DYM: variants seen among roughly 807,000 people sequenced by gnomAD.
DYM encodes dymeclin.
A neutral mutation model predicts 93.1 loss-of-function variants in DYM; 78 were observed. That is an observed-to-expected ratio of 0.84 (90% CI 0.70 to 1.01). The LOEUF is 1.01. Among genes scored for constraint, DYM ranks in the 50% least tolerant of loss-of-function variants. The probability of loss-of-function intolerance (pLI) is 0.00; values close to 1 mark genes in which losing one functional copy is unlikely to be tolerated. For synonymous variants in DYM, 321 were observed against 319.7 expected, an observed-to-expected ratio of 1.00 and a Z score of -0.04; for missense variants, 789 against 845.0, an observed-to-expected ratio of 0.93 and a Z score of 0.82.
At chr18:49,363,700 G>C (rs2066260237) in intron 5 of DYM, among the ~76,000 whole-genome samples, 1 of 152,170 alleles carries the variant, frequency 6.6e-6, no homozygotes, top group Non-Finnish European at 1.5e-5. Context: ...TACCTTTTAT[G>C]AACCTCTGGC....
In DYM at chr18:49,440,010, C is replaced by CAATAAATAAATA. The variant is rs144960380; in HGVS notation, c.-53-9575_-53-9564dup. ...GGGCAACAGAGGGAGACTCTGTCAC[C>CAATAAATAAATA]AATAAATAAATAAATAAATAAATAA... On this transcript the variant is annotated intron_variant, in intron 1 of 17. Coordinates refer to ENST00000675505, the MANE Select transcript of DYM (RefSeq NM_001353214.3). Among the ~76,000 whole-genome samples the CAATAAATAAATA allele has an allele frequency of 7.6e-5, 10 of 132,136 alleles. 2 individuals carry two copies. Among genetic ancestry groups the CAATAAATAAATA allele is most frequent in the East Asian group, 5.8e-4 (2 of 3,428 alleles). 86.7% of individuals were successfully genotyped at this position (132,136 alleles called of 152,430 possible).
chr18:49,211,676 G>A (rs186926068), intron 13 of DYM, among the ~76,000 whole-genome samples: 5 of 152,278 alleles, frequency 3.3e-5, no homozygotes, highest in Admixed American at 3.3e-4. Flanking sequence ...GAATAGTGCT[G>A]GGCATTGAAG....
intron 5 of DYM, among the ~76,000 whole-genome samples, chr18:49,374,217 A>T (rs2067284427): frequency 6.6e-6 from 1 of 152,200 alleles, no homozygotes; most frequent in Admixed American, 6.5e-5. Context: ...AAAGTATATA[A>T]CATTCAAAAT....
chr18:49,107,524 C>T (rs1231209952), intron 16 of DYM, among the ~76,000 whole-genome samples: 3 of 152,120 alleles, frequency 2.0e-5, no homozygotes, highest in African/African-American at 7.2e-5. Flanking sequence ...GTTTTTTCCC[C>T]ATCTTTGTGA....
intron 13 of DYM, among the ~76,000 whole-genome samples, chr18:49,216,993 T>C (rs1211108090): frequency 1.3e-5 from 2 of 152,114 alleles, no homozygotes; most frequent in African/African-American, 4.8e-5. Flanking sequence ...GGCAAAGAAG[T>C]TAAATACTTC....
At chr18:49,343,791 T>C (rs1366134428) in intron 6 of DYM, among the ~76,000 whole-genome samples, 1 of 152,134 alleles carries the variant, frequency 6.6e-6, no homozygotes, top group African/African-American at 2.4e-5. Context: ...TTCTAAACAC[T>C]TTTTTATGAT....
intron 15 of DYM, among the ~76,000 whole-genome samples, chr18:49,119,601 T>C (rs1294431170): frequency 1.3e-5 from 2 of 152,212 alleles, no homozygotes; most frequent in East Asian, 1.9e-4. Context: ...AATTATAACA[T>C]TGATGTGGTT....
At chr18:49,403,270 A>C (rs1014865813) in intron 2 of DYM, among the ~76,000 whole-genome samples, 1 of 152,234 alleles carries the variant, frequency 6.6e-6, no homozygotes, top group Non-Finnish European at 1.5e-5. Context: ...CAGCTCTATT[A>C]AACAACTGTA....
At chr18:49,139,932 C>G (rs774696882) in intron 15 of DYM, among the ~76,000 whole-genome samples, 9 of 152,002 alleles carry the variant, frequency 5.9e-5, no homozygotes, top group Non-Finnish European at 1.2e-4. Flanking sequence ...GTGGCATTCC[C>G]AATAGGCACA....
intron 2 of DYM, among the ~76,000 whole-genome samples, chr18:49,403,699 T>C (rs1346675894): frequency 6.6e-6 from 1 of 152,194 alleles, no homozygotes; most frequent in Non-Finnish European, 1.5e-5. Context: ...ACTCAGGTAA[T>C]GAGCAAAGTA....
At chr18:49,083,342 T>A (rs1361455031) in intron 17 of DYM, among the ~76,000 whole-genome samples, 1 of 152,244 alleles carries the variant, frequency 6.6e-6, no homozygotes, top group Non-Finnish European at 1.5e-5. Context: ...AATTTTGTAT[T>A]CCTGGGATAA....
chr18:49,085,588 G>GAAT lies in DYM; in HGVS notation c.2025+11811_2025+11813dup, dbSNP rs546437454. ...CAGAAGAGTCAAAATTGAGGCAGATGAATAAGGACAACTGGTCCTTTTTTT... is the reference window on the plus strand; with the variant it reads ...CAGAAGAGTCAAAATTGAGGCAGATGAATAATAAGGACAACTGGTCCTTTTTTT... On this transcript the variant is annotated intron_variant, in intron 17 of 17. Coordinates refer to ENST00000675505, the MANE Select transcript of DYM (RefSeq NM_001353214.3). Among the ~76,000 whole-genome samples, 905 of 143,842 alleles carry GAAT rather than the reference G, an allele frequency of 6.3e-3. 5 individuals are homozygous for GAAT. The highest frequency in any genetic ancestry group is 0.011 in the Non-Finnish European group (713 of 65,614). The allele number at this position is 143,842 out of a possible 152,430, so 94.4% of individuals were successfully genotyped here. A position where few individuals can be genotyped will look rare whatever the true frequency, so the allele number is the denominator to read the frequency against.
chr18:49,138,187 C>CT (rs2084064006), intron 15 of DYM, among the ~76,000 whole-genome samples: 1 of 152,152 alleles, frequency 6.6e-6, no homozygotes, highest in South Asian at 2.1e-4. Flanking sequence ...ACTGCTAACT[C>CT]TAACCCTTTG....
At chr18:49,365,868 T>G (rs2066474653) in intron 5 of DYM, among the ~76,000 whole-genome samples, 1 of 152,206 alleles carries the variant, frequency 6.6e-6, no homozygotes, top group South Asian at 2.1e-4. Flanking sequence ...GATTCTCTAT[T>G]CAATTCCATG....
At chr18:49,418,939 G>T (rs371928397) in intron 2 of DYM, among the ~76,000 whole-genome samples, 2 of 152,114 alleles carry the variant, frequency 1.3e-5, no homozygotes, top group African/African-American at 4.8e-5. Context: ...CACTTGTGGC[G>T]GTGGGGGTGG....
intron 8 of DYM, among the ~76,000 whole-genome samples, chr18:49,304,018 G>A (rs2061122464): frequency 6.6e-6 from 1 of 152,154 alleles, no homozygotes; most frequent in Non-Finnish European, 1.5e-5. Context: ...CCTGCAGTTT[G>A]GAAGAAAGAT....
chr18:49,261,505 T>C (rs1029622281), intron 11 of DYM, among the ~76,000 whole-genome samples: 2 of 152,166 alleles, frequency 1.3e-5, no homozygotes, highest in African/African-American at 4.8e-5. Context: ...ACCCCGTCTC[T>C]ACTAAAAATT....
rs1346867309 is a variant in DYM, at chr18:49,043,986, T to C, written c.*69A>G. On this transcript the variant is annotated 3_prime_UTR_variant, in exon 18 of 18. Transcript: ENST00000675505. ...CAAGTAACCTGTCTGTCTACTTCTG[T>C]TACCCAGAAATAAAAGAACTTGAAG... is the stretch of plus-strand genomic sequence containing the variant. 5 of 1,579,014 alleles carry C rather than the reference T, an allele frequency of 3.2e-6. No homozygotes were observed. The highest frequency in any genetic ancestry group is 4.3e-6 in the Non-Finnish European group (5 of 1,153,026).
At chr18:49,410,055 C>T (rs1296332615) in intron 2 of DYM, among the ~76,000 whole-genome samples, 1 of 152,178 alleles carries the variant, frequency 6.6e-6, no homozygotes, top group Non-Finnish European at 1.5e-5. Context: ...TTCATCTGAA[C>T]ACTTTGGATT....
Sources: allele counts gnomAD v4.1 joint callset (sites outside exome capture counted in the v4.1 genomes callset), GRCh38; gene constraint gnomAD v4.1.1; transcripts MANE v1.5; gene names NCBI Gene and HGNC (gene_info 2026-07-23, HGNC 2026-07-21).